Variants in DCLK1 observed in about 807,000 individuals in gnomAD.
DCLK1 encodes the protein doublecortin like kinase 1.
Under a neutral mutation model 86.2 loss-of-function variants are expected in DCLK1, and 16 were observed. The observed-to-expected ratio is 0.19, with a 90% CI of 0.13 to 0.28. The LOEUF is 0.28. Ranked by LOEUF, DCLK1 falls within the 10% of genes least tolerant of loss-of-function variation. DCLK1 has a pLI of 1.00. For missense variants in DCLK1, 590 were observed against 940.2 expected (o/e 0.63, Z 4.87); for synonymous variants, 369 against 370.5 (o/e 1.00, Z 0.05).
At chr13:35,974,024 C>G (rs1479070961) in intron 3 of DCLK1, among the ~76,000 whole-genome samples, 2 of 152,004 alleles carry the variant, frequency 1.3e-5, no homozygotes, top group African/African-American at 2.4e-5. Flanking sequence ...CAAAAAAATA[C>G]AGGAGGAAGG....
At chr13:36,044,175 C>G (rs1337063146) in intron 3 of DCLK1, among the ~76,000 whole-genome samples, 1 of 152,206 alleles carries the variant, frequency 6.6e-6, no homozygotes, top group African/African-American at 2.4e-5. Context: ...GAAGGCTCCC[C>G]TTCACCTTCT....
At chr13:35,996,232 C>G (rs1054755885) in intron 3 of DCLK1, among the ~76,000 whole-genome samples, 1 of 151,132 alleles carries the variant, frequency 6.6e-6, no homozygotes, top group Admixed American at 6.6e-5. Context: ...CCCTGCCAAC[C>G]TATTTTAGTT....
intron 11 of DCLK1, among the ~76,000 whole-genome samples, chr13:35,822,482 C>A (rs1446711498): frequency 6.6e-6 from 1 of 152,062 alleles, no homozygotes; most frequent in Non-Finnish European, 1.5e-5. Flanking sequence ...ACAGCCCTAC[C>A]CTTCGCGAGT....
At chr13:35,875,047 C>T (rs1160099319) in intron 4 of DCLK1, among the ~76,000 whole-genome samples, 22 of 152,218 alleles carry the variant, frequency 1.4e-4, no homozygotes, top group Admixed American at 1.4e-3. Context: ...AAAACCTTTA[C>T]CATCTGGTAA....
Position 36,008,330 on chromosome 13 carries a change from G to A in DCLK1, c.724-60873C>T, listed in dbSNP as rs1459120777. ...GCTGGTGCGCTGCACCCACTAACTCGTCATCTAGCATTAGGTATATCTCCC... is the reference window on the plus strand; with the variant it reads ...GCTGGTGCGCTGCACCCACTAACTCATCATCTAGCATTAGGTATATCTCCC... On this transcript the variant is annotated intron_variant, in intron 3 of 16. Transcript: ENST00000360631. Among the ~76,000 whole-genome samples the A allele has an allele frequency of 5.2e-5, 5 of 96,240 alleles. No individual in the cohort carries two copies. In the South Asian group the frequency reaches 1.3e-3, roughly 25 times the overall value. The allele number at this position is 96,240 out of a possible 152,430, so 63.1% of individuals were successfully genotyped here.
At position 35,979,539 on chromosome 13, in the gene DCLK1, C is replaced by T. The variant is rs141660813; in HGVS notation, c.724-32082G>A. Reference sequence around the variant, plus strand: ...CCCACTCGTTTCTCACTGCTTTCCACTCCCAGTGCCAAAGTACTGACTCAT... The same window carrying T: ...CCCACTCGTTTCTCACTGCTTTCCATTCCCAGTGCCAAAGTACTGACTCAT... On this transcript the variant is annotated intron_variant, in intron 3 of 16. Transcript: ENST00000360631. 3.8e-3 allele frequency among the ~76,000 whole-genome samples: 584 copies of T among 152,318 alleles called. 7 individuals are homozygous for T. Among genetic ancestry groups the T allele is most frequent in the African/African-American group, 0.014 (562 of 41,572 alleles).
intron 2 of DCLK1, among the ~76,000 whole-genome samples, chr13:36,113,438 G>A (rs1392222831): frequency 1.3e-5 from 2 of 152,108 alleles, no homozygotes; most frequent in African/African-American, 4.8e-5. Flanking sequence ...TATTCACCTG[G>A]CAGATCATGA....
intron 3 of DCLK1, among the ~76,000 whole-genome samples, chr13:36,032,308 A>C (rs551547776): frequency 2.0e-5 from 3 of 151,748 alleles, no homozygotes; most frequent in East Asian, 3.9e-4. Flanking sequence ...GGCCCGGCTA[A>C]TTTTTTGTAT....
In DCLK1 at chr13:35,915,769, G is replaced by T. The variant is rs571479976; in HGVS notation, c.823+31589C>A. Reference sequence around the variant, plus strand: ...TCTGAATAATAATTTTTTTTAAAAGGCTAAGAGCTATGCAAAGGTAAGTAA... The same window carrying T: ...TCTGAATAATAATTTTTTTTAAAAGTCTAAGAGCTATGCAAAGGTAAGTAA... On this transcript the variant is annotated intron_variant, in intron 4 of 16. Transcript: ENST00000360631. Among the ~76,000 whole-genome samples, 3 of 152,162 alleles carry T rather than the reference G, an allele frequency of 2.0e-5. No homozygotes were observed. In the East Asian group the frequency reaches 5.8e-4, roughly 29 times the overall value.
chr13:36,063,166 T>G (rs1883621164), intron 3 of DCLK1, among the ~76,000 whole-genome samples: 1 of 152,308 alleles, frequency 6.6e-6, no homozygotes, highest in East Asian at 1.9e-4. Flanking sequence ...TGATAAAGAT[T>G]ATTAACTTTT....
rs1266549635 is a variant in DCLK1, at chr13:36,081,730, C to A, written c.723+30139G>T. ...TATAAAGGATTGCATCAAACCATTG[C>A]TTGAATATGCTCTCTAACTTCTTCT... is the stretch of plus-strand genomic sequence containing the variant. On this transcript the variant is annotated intron_variant, in intron 3 of 16. Coordinates refer to ENST00000360631, the MANE Select transcript of DCLK1 (RefSeq NM_001330071.2). Among the ~76,000 whole-genome samples the A allele has an allele frequency of 2.6e-5, 4 of 152,282 alleles. No homozygotes were observed. In the East Asian group the frequency reaches 7.7e-4, roughly 29 times the overall value.
At chr13:35,840,097 G>T (rs1717279692) in intron 6 of DCLK1, among the ~76,000 whole-genome samples, 1 of 152,182 alleles carries the variant, frequency 6.6e-6, no homozygotes, top group Admixed American at 6.5e-5. Flanking sequence ...ATTGGCTCAT[G>T]GTGCCGGCTG....
intron 3 of DCLK1, among the ~76,000 whole-genome samples, chr13:36,060,014 G>C (rs1883481991): frequency 6.6e-6 from 1 of 151,910 alleles, no homozygotes; most frequent in African/African-American, 2.4e-5. Flanking sequence ...TGGGATTACA[G>C]GTGAACACCA....
At chr13:35,927,514 T>C (rs1339640759) in intron 4 of DCLK1, among the ~76,000 whole-genome samples, 1 of 152,222 alleles carries the variant, frequency 6.6e-6, no homozygotes, top group Non-Finnish European at 1.5e-5. Context: ...TTCTCCTTAT[T>C]ATAAGTGTTC....
At chr13:35,982,431 AGGGG>A (rs765266083) in intron 3 of DCLK1, among the ~76,000 whole-genome samples, 19,959 of 40,256 alleles carry the variant, frequency 0.5, 4,924 homozygotes, top group Non-Finnish European at 0.54. Context: ...AGAGAGAGAG[AGGGG>A]GAGGGAGGGA....
intron 4 of DCLK1, among the ~76,000 whole-genome samples, chr13:35,881,048 C>A (rs1346723591): frequency 6.6e-6 from 1 of 152,156 alleles, no homozygotes; most frequent in Non-Finnish European, 1.5e-5. Context: ...GAACAATGGC[C>A]AGACCATATA....
chr13:36,012,656 T>G (rs1361777671), intron 3 of DCLK1, among the ~76,000 whole-genome samples: 2 of 135,702 alleles, frequency 1.5e-5, no homozygotes, highest in African/African-American at 2.8e-5. Context: ...TGGCTGCCCT[T>G]AACATTTTTT....
At chr13:35,849,200 G>T in intron 6 of DCLK1, 1 of 985,228 alleles carries the variant, frequency 1.0e-6, no homozygotes, top group East Asian at 1.1e-4. Flanking sequence ...CACTTGTAAA[G>T]TGAGATGGTA....
At chr13:35,929,956 G>C (rs572066861) in intron 4 of DCLK1, among the ~76,000 whole-genome samples, 189 of 150,920 alleles carry the variant, frequency 1.3e-3, no homozygotes, top group African/African-American at 4.5e-3. Flanking sequence ...AAGAGCCATA[G>C]AGTATCAGTA....
Sources: gnomAD v4.1 joint callset for allele counts (sites outside exome capture counted in the v4.1 genomes callset) on GRCh38, gnomAD v4.1.1 for gene constraint, MANE v1.5 for transcripts, NCBI Gene and HGNC (gene_info 2026-07-23, HGNC 2026-07-21) for gene names.